CYBRD1: variants seen among roughly 807,000 people sequenced by gnomAD.
CYBRD1 encodes plasma membrane ascorbate-dependent reductase CYBRD1.
Under a neutral mutation model 21.9 loss-of-function variants are expected in CYBRD1, and 14 were observed. That is an observed-to-expected ratio of 0.64 (90% CI 0.42 to 1.00). CYBRD1 has a LOEUF of 1.00. CYBRD1 is among the 50% of genes least tolerant of loss of function. The pLI, the probability that CYBRD1 is intolerant of heterozygous loss-of-function variation, is 0.00. For missense variants in CYBRD1, 328 were observed against 352.5 expected (o/e 0.93, Z 0.56); for synonymous variants, 146 against 136.5 (o/e 1.07, Z -0.48).
intron 2 of CYBRD1, among the ~76,000 whole-genome samples, chr2:171,546,096 A>C (rs769481536): frequency 6.6e-6 from 1 of 152,136 alleles, no homozygotes; most frequent in Non-Finnish European, 1.5e-5. Flanking sequence ...TCACAACTTC[A>C]TGGCTTTGCT....
At chr2:171,532,190 C>T (rs1294299559) in intron 1 of CYBRD1, among the ~76,000 whole-genome samples, 2 of 152,160 alleles carry the variant, frequency 1.3e-5, no homozygotes, top group East Asian at 1.9e-4. Flanking sequence ...TAAGCTCTTG[C>T]GTGCAGAGGG....
chr2:171,539,261 T>C (rs1574438030), intron 1 of CYBRD1, among the ~76,000 whole-genome samples: 1 of 152,002 alleles, frequency 6.6e-6, no homozygotes, highest in African/African-American at 2.4e-5. Flanking sequence ...AGGCGGGTGG[T>C]GCACTTGAGC....
chr2:171,541,271 A>T (rs1011147634), intron 1 of CYBRD1: 2 of 418,670 alleles, frequency 4.8e-6, no homozygotes, highest in Non-Finnish European at 8.9e-6. Flanking sequence ...CCATGGAGAC[A>T]GCATTTCAGT....
At chr2:171,537,453 G>A (rs557795039) in intron 1 of CYBRD1, among the ~76,000 whole-genome samples, 1 of 152,278 alleles carries the variant, frequency 6.6e-6, no homozygotes, top group East Asian at 1.9e-4. Flanking sequence ...GATTTGATCA[G>A]TCTGTAGAAA....
intron 3 of CYBRD1, among the ~76,000 whole-genome samples, 194 bp from the exon 4 acceptor site, chr2:171,554,315 ATATTATTTTCATATT>A (rs1683442929): frequency 6.6e-6 from 1 of 152,140 alleles, no homozygotes; most frequent in Non-Finnish European, 1.5e-5. Flanking sequence ...TACAGATGCT[ATATTATTTTCATATT>A]TATTATTTTT....
intron 1 of CYBRD1, among the ~76,000 whole-genome samples, chr2:171,529,308 G>T (rs1559313646): frequency 6.6e-6 from 1 of 152,166 alleles, no homozygotes; most frequent in Non-Finnish European, 1.5e-5. Context: ...AAGGCAGGTG[G>T]ATCACCTGAG....
intron 1 of CYBRD1, among the ~76,000 whole-genome samples, chr2:171,523,733 T>A (rs1358564416): frequency 3.9e-5 from 6 of 152,020 alleles, no homozygotes; most frequent in East Asian, 1.9e-4. Context: ...GTAGTGCCTC[T>A]CAATGTCCTG....
chr2:171,548,298 G>A (rs1426872004), intron 2 of CYBRD1, among the ~76,000 whole-genome samples: 1 of 152,088 alleles, frequency 6.6e-6, no homozygotes, highest in Non-Finnish European at 1.5e-5. Context: ...AAAGACTCGG[G>A]CTGGGGCCCA....
At chr2:171,543,983 A>G (rs1365904793) in intron 2 of CYBRD1, among the ~76,000 whole-genome samples, 1 of 152,230 alleles carries the variant, frequency 6.6e-6, no homozygotes, top group Non-Finnish European at 1.5e-5. Flanking sequence ...AGCTCAACCT[A>G]AAAAGATAAT....
intron 3 of CYBRD1, 30 bp downstream of exon 3, chr2:171,553,530 A>C: frequency 6.3e-7 from 1 of 1,582,008 alleles, no homozygotes; most frequent in Non-Finnish European, 8.6e-7. Context: ...TAATTGTAAT[A>C]CTTAAGCCAC....
intron 1 of CYBRD1, chr2:171,541,206 T>C: frequency 3.3e-6 from 1 of 306,370 alleles, no homozygotes; most frequent in Non-Finnish European, 6.3e-6. Context: ...ATTATGCAGA[T>C]CTGAAGCTTA....
intron 2 of CYBRD1, among the ~76,000 whole-genome samples, chr2:171,542,827 G>A (rs553749888): frequency 5.5e-4 from 84 of 152,202 alleles, no homozygotes; most frequent in African/African-American, 1.8e-3. Context: ...GTTACAGTAA[G>A]CTGAGATTAT....
rs2542938 is a variant in CYBRD1, at chr2:171,556,757, G to C, written c.*1930G>C. On this transcript the variant is annotated 3_prime_UTR_variant, in exon 4 of 4. Coordinates refer to ENST00000321348, the MANE Select transcript of CYBRD1 (RefSeq NM_024843.4). Reference sequence around the variant, plus strand: ...TACCCAGCCCTCTGCCTGGCACAAAGTGGTAGCACAATTAAATTCAGTATG... The same window carrying C: ...TACCCAGCCCTCTGCCTGGCACAAACTGGTAGCACAATTAAATTCAGTATG... The C allele has an allele frequency of 0.39, 59,203 of 152,008 alleles. 13,548 individuals are homozygous for C. Among genetic ancestry groups the C allele is most frequent in the African/African-American group, 0.63 (26,123 of 41,460 alleles). The allele number at this position is 152,008 out of a possible 1,614,324, so 9.4% of individuals were successfully genotyped here.
chr2:171,524,388 A>G (rs1697355235), intron 1 of CYBRD1, among the ~76,000 whole-genome samples: 1 of 152,234 alleles, frequency 6.6e-6, no homozygotes, highest in Admixed American at 6.5e-5. Flanking sequence ...TTGTTTGCTC[A>G]AAGAGTAGAG....
intron 2 of CYBRD1, among the ~76,000 whole-genome samples, chr2:171,552,420 G>T (rs1683391073): frequency 6.6e-6 from 1 of 152,102 alleles, no homozygotes; most frequent in Admixed American, 6.6e-5. Flanking sequence ...CCCTCCCCCT[G>T]CCTCCCTTCT....
intron 2 of CYBRD1, among the ~76,000 whole-genome samples, chr2:171,550,649 G>A (rs996984680): frequency 6.6e-6 from 1 of 152,052 alleles, no homozygotes; most frequent in Non-Finnish European, 1.5e-5. Flanking sequence ...CCTTTTAAAT[G>A]TAATTTTCTT....
chr2:171,522,788 G>A lies in CYBRD1; in HGVS notation c.193+50G>A, dbSNP rs1293633204. 6 of 1,609,082 alleles carry A rather than the reference G, an allele frequency of 3.7e-6. No homozygotes were observed. In the South Asian group the frequency reaches 5.6e-5, roughly 15 times the overall value. On this transcript the variant is annotated intron_variant, in intron 1 of 3. Transcript: ENST00000321348. The surrounding 1 kb of genome is among the most constrained non-coding windows in gnomAD (Gnocchi z 4.3). ...CGGGGAGGAAAGCGGGGAGAACGGC[G>A]GGGGCAGAGGGTCCTCCGTGAAGCC... is the stretch of plus-strand genomic sequence containing the variant.
chr2:171,531,599 G>A (rs955688438), intron 1 of CYBRD1, among the ~76,000 whole-genome samples: 5 of 151,980 alleles, frequency 3.3e-5, no homozygotes, highest in African/African-American at 1.2e-4. Flanking sequence ...GTGAACCACC[G>A]CACCGTCCCA....
rs1683450958 is a variant in CYBRD1, at chr2:171,554,675, C to A, written c.709C>A (p.Pro237Thr). Residue 237 changes from proline (P) to threonine (T), a missense_variant, in exon 4 of 4, where the codon CCA becomes ACA. Pro to Thr is a conservative substitution (Grantham distance 38). Transcript: ENST00000321348. ...GGAGCCAAATTCTACCATTCTTCAT[C>A]CAAATGGAGGCACTGAACAGGGAGC... ...PKEPNSTILH[P>T]NGGTEQGARG... 1 of 1,613,918 alleles carries A rather than the reference C, an allele frequency of 6.2e-7. No homozygotes were observed. The highest frequency in any genetic ancestry group is 1.3e-5 in the African/African-American group (1 of 74,898).
Sources: gnomAD v4.1 joint callset for allele counts (sites outside exome capture counted in the v4.1 genomes callset) on GRCh38, gnomAD v4.1.1 for gene constraint, Gnocchi (gnomAD v3.1) non-coding constraint, MANE v1.5 for transcripts, NCBI Gene and HGNC (gene_info 2026-07-23, HGNC 2026-07-21) for gene names.